The following PRKG1 variants were observed in gnomAD, a reference collection of about 807,000 sequenced individuals.
The protein encoded by PRKG1 is cGMP-dependent protein kinase 1.
Under a neutral mutation model 88.1 loss-of-function variants are expected in PRKG1, and 35 were observed. The ratio of observed to expected loss-of-function variants is 0.40; its 90% CI spans 0.30 to 0.53. The LOEUF (loss-of-function observed/expected upper bound fraction) is 0.53. Among genes scored for constraint, PRKG1 ranks in the 20% least tolerant of loss-of-function variants. The probability of loss-of-function intolerance (pLI) is 0.59; values close to 1 mark genes in which losing one functional copy is unlikely to be tolerated. For missense variants in PRKG1, 540 were observed against 839.8 expected (o/e 0.64, Z 4.41); for synonymous variants, 303 against 292.5 (o/e 1.04, Z -0.37).
At chr10:51,879,833 C>T (rs1026602372) in intron 4 of PRKG1, among the ~76,000 whole-genome samples, 17 of 152,094 alleles carry the variant, frequency 1.1e-4, no homozygotes, top group Admixed American at 3.3e-4. Flanking sequence ...TTCTGAAATC[C>T]GATTGATGTT....
At position 51,747,082 on chromosome 10, in the gene PRKG1, G is replaced by A. The variant is rs71459426; in HGVS notation, c.593-57503G>A. On this transcript the variant is annotated intron_variant, in intron 3 of 17. Coordinates refer to ENST00000373980, the MANE Select transcript of PRKG1 (RefSeq NM_006258.4). Reference sequence around the variant, plus strand: ...GTTATTTTACCTGGAGTCACTGGGGGTTTTTGCTTGTCAGAGAAGTCAGCA... The same window carrying A: ...GTTATTTTACCTGGAGTCACTGGGGATTTTTGCTTGTCAGAGAAGTCAGCA... 3.1e-3 allele frequency among the ~76,000 whole-genome samples: 478 copies of A among 152,290 alleles called. 1 individual carries two copies. The highest frequency in any genetic ancestry group is 5.6e-3 in the Non-Finnish European group (382 of 68,030).
chr10:51,665,151 C>A (rs773525032), intron 3 of PRKG1, among the ~76,000 whole-genome samples: 5 of 151,934 alleles, frequency 3.3e-5, no homozygotes, highest in Admixed American at 6.6e-5. Context: ...GTTATCTGGG[C>A]ATAAATAATT....
At chr10:52,204,379 C>T (rs1422893489) in intron 9 of PRKG1, among the ~76,000 whole-genome samples, 1 of 152,102 alleles carries the variant, frequency 6.6e-6, no homozygotes, top group Non-Finnish European at 1.5e-5. Flanking sequence ...AGCCACTGCA[C>T]CCAACTGTTA....
intron 1 of PRKG1, among the ~76,000 whole-genome samples, chr10:51,016,774 T>G (rs1843072240): frequency 6.9e-6 from 1 of 144,490 alleles, no homozygotes; most frequent in Non-Finnish European, 1.5e-5. Flanking sequence ...GGTCAAGCGA[T>G]TCTCCTGCCT....
chr10:52,240,178 G>T (rs1415124400), intron 9 of PRKG1, among the ~76,000 whole-genome samples: 1 of 152,118 alleles, frequency 6.6e-6, no homozygotes, highest in African/African-American at 2.4e-5. Context: ...ACATTGGCAG[G>T]ATCAAGGTTC....
At chr10:51,710,557 C>T (rs1841718824) in intron 3 of PRKG1, among the ~76,000 whole-genome samples, 1 of 152,192 alleles carries the variant, frequency 6.6e-6, no homozygotes, top group Admixed American at 6.5e-5. Flanking sequence ...TACATTGTTG[C>T]CAGGCCATTG....
chr10:52,284,087 C>T (rs1842060030), intron 14 of PRKG1, among the ~76,000 whole-genome samples: 1 of 151,678 alleles, frequency 6.6e-6, no homozygotes, highest in African/African-American at 2.4e-5. Flanking sequence ...ACAGAAAAAC[C>T]TTTAATCCTT....
chr10:51,093,757 A>G (rs1844454817), intron 1 of PRKG1, among the ~76,000 whole-genome samples: 1 of 143,708 alleles, frequency 7.0e-6, no homozygotes, highest in South Asian at 2.1e-4. Flanking sequence ...ATATGTATAT[A>G]TACATATATA....
At chr10:51,267,764 A>G (rs1442452290) in intron 2 of PRKG1, among the ~76,000 whole-genome samples, 1 of 152,202 alleles carries the variant, frequency 6.6e-6, no homozygotes, top group Non-Finnish European at 1.5e-5. Flanking sequence ...ATTCATGACC[A>G]AGAACCCAAA....
chr10:51,392,140 T>TG (rs1055952135), intron 2 of PRKG1, among the ~76,000 whole-genome samples: 2 of 152,088 alleles, frequency 1.3e-5, no homozygotes, highest in Non-Finnish European at 2.9e-5. Flanking sequence ...GATGAATTTT[T>TG]TTTTTTTTTA....
intron 2 of PRKG1, among the ~76,000 whole-genome samples, chr10:51,276,809 GTTGT>G (rs1354526924): frequency 6.6e-6 from 1 of 151,660 alleles, no homozygotes; most frequent in Non-Finnish European, 1.5e-5. Context: ...TTTTGATGGG[GTTGT>G]TTTTTTCTCG....
Position 51,609,553 on chromosome 10 carries a change from G to A in PRKG1, c.592+141717G>A, listed in dbSNP as rs559811897. ...TACATGCACACATATGTTCATTGCA[G>A]CACTATTCACAATAGCAAAGACATG... On this transcript the variant is annotated intron_variant, in intron 3 of 17. Transcript: ENST00000373980. Among the ~76,000 whole-genome samples the A allele has an allele frequency of 2.0e-5, 3 of 152,094 alleles. No individual in the cohort carries two copies. In the South Asian group the frequency reaches 6.2e-4, roughly 32 times the overall value.
chr10:51,202,168 T>C (rs892519370), intron 2 of PRKG1, among the ~76,000 whole-genome samples: 6 of 152,188 alleles, frequency 3.9e-5, no homozygotes, highest in South Asian at 2.1e-4. Flanking sequence ...CCTCAAAGCG[T>C]TATCTATGGC....
At chr10:51,051,990 A>G (rs530847893) in intron 1 of PRKG1, among the ~76,000 whole-genome samples, 1 of 152,304 alleles carries the variant, frequency 6.6e-6, no homozygotes, top group African/African-American at 2.4e-5. Flanking sequence ...GCAAGTTACT[A>G]TTATTGGTAA....
intron 3 of PRKG1, among the ~76,000 whole-genome samples, chr10:51,634,684 T>C (rs4935275): frequency 4.0e-5 from 6 of 151,886 alleles, no homozygotes; most frequent in African/African-American, 1.5e-4. Flanking sequence ...GTGATTTCCA[T>C]ATGAAGCTAG....
chr10:51,744,794 CA>C, intron 3 of PRKG1, among the ~76,000 whole-genome samples: 1 of 152,232 alleles, frequency 6.6e-6, no homozygotes, highest in Admixed American at 6.5e-5. Flanking sequence ...AGTTGTCTCC[CA>C]GCTGAACATG....
intron 3 of PRKG1, among the ~76,000 whole-genome samples, chr10:51,658,118 T>C (rs529748933): frequency 1.4e-4 from 22 of 152,164 alleles, no homozygotes; most frequent in Admixed American, 7.2e-4. Flanking sequence ...TACGGATTTA[T>C]CTGTTAACAG....
chr10:51,692,678 G>A (rs1468985535), intron 3 of PRKG1, among the ~76,000 whole-genome samples: 1 of 152,098 alleles, frequency 6.6e-6, no homozygotes, highest in African/African-American at 2.4e-5. Context: ...ATCTCCCTGT[G>A]TTGCCCAGGC....
At chr10:51,715,910 T>A (rs1000855789) in intron 3 of PRKG1, among the ~76,000 whole-genome samples, 9 of 152,240 alleles carry the variant, frequency 5.9e-5, no homozygotes, top group Non-Finnish European at 1.3e-4. Flanking sequence ...TCCAAGCTTG[T>A]CATTAGACGG....
Sources: gnomAD v4.1 joint callset for allele counts (sites outside exome capture counted in the v4.1 genomes callset) on GRCh38, gnomAD v4.1.1 for gene constraint, MANE v1.5 for transcripts, NCBI Gene and HGNC (gene_info 2026-07-23, HGNC 2026-07-21) for gene names.